Variants in GRID2 observed in about 807,000 individuals in gnomAD.
The protein encoded by GRID2 is glutamate receptor ionotropic, delta-2.
A neutral mutation model predicts 114.8 loss-of-function variants in GRID2; 33 were observed. The ratio of observed to expected loss-of-function variants is 0.29; its 90% CI spans 0.22 to 0.38. GRID2 has a LOEUF of 0.38. Ranked by LOEUF, GRID2 falls within the 10% of genes least tolerant of loss-of-function variation. The pLI is 1.00. For synonymous variants in GRID2, 505 were observed against 449.9 expected (o/e 1.12, Z -1.55); for missense variants, 1,184 against 1,257.7 (o/e 0.94, Z 0.89).
At chr4:93,343,346 G>A (rs980549528) in intron 8 of GRID2, among the ~76,000 whole-genome samples, 2 of 152,052 alleles carry the variant, frequency 1.3e-5, no homozygotes, top group Non-Finnish European at 2.9e-5. Flanking sequence ...AAAAGATGGG[G>A]CATAGTGTCA....
At chr4:93,174,058 A>G (rs1175870057) in intron 4 of GRID2, among the ~76,000 whole-genome samples, 1 of 152,212 alleles carries the variant, frequency 6.6e-6, no homozygotes, top group East Asian at 1.9e-4. Context: ...ACAAGAGCAC[A>G]ATATTAAAAC....
At chr4:93,350,259 C>T (rs1760670275) in intron 8 of GRID2, among the ~76,000 whole-genome samples, 1 of 152,076 alleles carries the variant, frequency 6.6e-6, no homozygotes, top group Non-Finnish European at 1.5e-5. Flanking sequence ...GTTAATCTTT[C>T]CCAACATGCC....
At chr4:93,285,543 G>A (rs1431122073) in intron 8 of GRID2, among the ~76,000 whole-genome samples, 1 of 151,986 alleles carries the variant, frequency 6.6e-6, no homozygotes, top group South Asian at 2.1e-4. Flanking sequence ...AGCTGACACT[G>A]TGAAATTCCA....
At chr4:93,059,120 AT>A (rs1404038426) in intron 2 of GRID2, among the ~76,000 whole-genome samples, 1 of 152,092 alleles carries the variant, frequency 6.6e-6, no homozygotes, top group East Asian at 1.9e-4. Context: ...TATAATGTAA[AT>A]GTATCAATCA....
At position 93,772,094 on chromosome 4, in the gene GRID2, C is replaced by G; in HGVS notation, c.2620C>G (p.Leu874Val). ...PSKEDDKEID[L>V]EHLHRRVNSL... ...TCTCCAGGATGACAAGGAAATTGACCTGGAGCACCTCCATAGACGTGTAAA... is the reference window on the plus strand; with the variant it reads ...TCTCCAGGATGACAAGGAAATTGACGTGGAGCACCTCCATAGACGTGTAAA... The change falls in exon 16 of 16, where the codon CTG (leucine) becomes GTG (valine). Residue 874 changes from leucine (L) to valine (V), a missense_variant. By Grantham distance (32) the Leu-to-Val change is conservative. Around this residue, in one of 3 missense-constraint regions of GRID2, gnomAD observed 717 missense variants for 796.9 expected, o/e 0.90. Coordinates refer to ENST00000282020, the MANE Select transcript of GRID2 (RefSeq NM_001510.4). 1 of 1,608,302 alleles carries G rather than the reference C, an allele frequency of 6.2e-7. No individual in the cohort carries two copies. The highest frequency in any genetic ancestry group is 8.5e-7 in the Non-Finnish European group (1 of 1,175,192).
At chr4:92,357,991 G>A (rs948696350) in intron 1 of GRID2, among the ~76,000 whole-genome samples, 2 of 151,930 alleles carry the variant, frequency 1.3e-5, no homozygotes, top group Non-Finnish European at 2.9e-5. Context: ...AAATATTTCA[G>A]TGTATTTCAT....
chr4:92,778,756 T>C (rs1738925709), intron 2 of GRID2, among the ~76,000 whole-genome samples: 1 of 152,098 alleles, frequency 6.6e-6, no homozygotes, highest in African/African-American at 2.4e-5. Context: ...AACTAAGAAT[T>C]ATGGTCAGAA....
intron 10 of GRID2, among the ~76,000 whole-genome samples, chr4:93,425,087 G>T (rs925044554): frequency 6.6e-6 from 1 of 151,928 alleles, no homozygotes; most frequent in African/African-American, 2.4e-5. Context: ...AAAAGTTCAT[G>T]ATCACATTTA....
At chr4:93,782,867 C>T (rs1390734277) in intron 1 of GRID2, among the ~76,000 whole-genome samples, 2 of 150,128 alleles carry the variant, frequency 1.3e-5, no homozygotes, top group Non-Finnish European at 2.9e-5. Context: ...CACAGCCTTG[C>T]TTTTAAAATA....
intron 2 of GRID2, among the ~76,000 whole-genome samples, chr4:93,024,881 C>G (rs572527995): frequency 2.0e-5 from 3 of 151,442 alleles, no homozygotes; most frequent in African/African-American, 7.3e-5. Context: ...TATTTTAATG[C>G]AACAAGGAGG....
chr4:93,179,689 C>T (rs922996451), intron 4 of GRID2, among the ~76,000 whole-genome samples: 11 of 152,028 alleles, frequency 7.2e-5, no homozygotes, highest in Non-Finnish European at 1.3e-4. Context: ...TATTATGATC[C>T]CTAACAGACT....
intron 2 of GRID2, among the ~76,000 whole-genome samples, chr4:92,605,875 C>T (rs1350786276): frequency 2.6e-5 from 4 of 151,960 alleles, no homozygotes; most frequent in East Asian, 1.9e-4. Context: ...GTGTGTATTC[C>T]GAAGGAAAAC....
intron 1 of GRID2, among the ~76,000 whole-genome samples, chr4:92,468,014 A>G (rs952185369): frequency 7.9e-5 from 12 of 151,774 alleles, no homozygotes; most frequent in African/African-American, 2.7e-4. Context: ...GATTATCAAT[A>G]CTATGTGTAT....
chr4:92,650,880 C>A (rs543265448), intron 2 of GRID2, among the ~76,000 whole-genome samples: 2 of 151,872 alleles, frequency 1.3e-5, no homozygotes, highest in African/African-American at 4.8e-5. Flanking sequence ...TCTGTAGGAC[C>A]CTGACCCAAC....
intron 2 of GRID2, among the ~76,000 whole-genome samples, chr4:92,912,673 TGA>T (rs1748477416): frequency 1.3e-5 from 2 of 151,944 alleles, no homozygotes; most frequent in South Asian, 4.1e-4. Context: ...ATACATTTGT[TGA>T]GTGGTATTTA....
intron 14 of GRID2, among the ~76,000 whole-genome samples, chr4:93,701,410 A>G (rs748655277): frequency 2.0e-5 from 3 of 152,174 alleles, no homozygotes; most frequent in Non-Finnish European, 4.4e-5. Context: ...AACAATTACT[A>G]AAGTTTTCTA....
At chr4:93,258,505 T>G (rs1007709313) in intron 8 of GRID2, among the ~76,000 whole-genome samples, 4 of 151,588 alleles carry the variant, frequency 2.6e-5, no homozygotes, top group South Asian at 2.1e-4. Flanking sequence ...GACAGACACA[T>G]GGAAAAAATG....
chr4:93,743,514 C>T (rs180875975), intron 14 of GRID2, among the ~76,000 whole-genome samples: 6 of 152,258 alleles, frequency 3.9e-5, no homozygotes, highest in Admixed American at 3.9e-4. Context: ...TGATTCTTCT[C>T]GCTGGAAGAT....
At chr4:93,326,997 A>C (rs1488635978) in intron 8 of GRID2, among the ~76,000 whole-genome samples, 3 of 151,820 alleles carry the variant, frequency 2.0e-5, no homozygotes, top group Non-Finnish European at 4.4e-5. Flanking sequence ...ATATTTTTTG[A>C]TATCTTAATG....
Sources: gnomAD v4.1 joint callset for allele counts (sites outside exome capture counted in the v4.1 genomes callset) on GRCh38, gnomAD v4.1.1 for gene constraint, gnomAD v4.1.1 regional missense constraint, MANE v1.5 for transcripts, NCBI Gene and HGNC (gene_info 2026-07-23, HGNC 2026-07-21) for gene names.